DNM3: variants seen among roughly 807,000 people sequenced by gnomAD.
DNM3 encodes the protein dynamin 3.
DNM3 carries 47 observed loss-of-function variants against 101.6 expected under a neutral mutation model. The observed-to-expected ratio is 0.46, with a 90% CI of 0.37 to 0.59. The LOEUF is 0.59. Among genes scored for constraint, DNM3 ranks in the 20% least tolerant of loss-of-function variants. The probability of loss-of-function intolerance (pLI) is 0.00; values close to 1 mark genes in which losing one functional copy is unlikely to be tolerated. For synonymous variants in DNM3, 385 were observed against 387.9 expected (o/e 0.99, Z 0.09); for missense variants, 849 against 1,085.7 (o/e 0.78, Z 3.06).
chr1:172,244,418 A>G (rs2061868945), intron 14 of DNM3, among the ~76,000 whole-genome samples: 1 of 152,052 alleles, frequency 6.6e-6, no homozygotes, highest in African/African-American at 2.4e-5. Context: ...TGAACAGGCA[A>G]CCTACAAAAT....
chr1:172,257,796 T>C (rs988600366), intron 15 of DNM3, among the ~76,000 whole-genome samples: 1 of 151,820 alleles, frequency 6.6e-6, no homozygotes, highest in Non-Finnish European at 1.5e-5. Context: ...GTATTGAACA[T>C]TAGAATTTAT....
rs2901611 is a variant in DNM3 at position 172,219,667 on chromosome 1, G to A, written c.1660-33906G>A. 2.4e-3 allele frequency among the ~76,000 whole-genome samples: 363 copies of A among 152,230 alleles called. 10 individuals carry two copies. The South Asian group carries it at 0.05, about 21-fold the overall frequency. Reference sequence around the variant, plus strand: ...ACGCAAAAGACTCAATCTGAGAGGCGTCAGAGGGAGACAGACACAAGGTGA... The same window carrying A: ...ACGCAAAAGACTCAATCTGAGAGGCATCAGAGGGAGACAGACACAAGGTGA... On this transcript the variant is annotated intron_variant, in intron 14 of 20. Coordinates refer to ENST00000627582, the MANE Select transcript of DNM3 (RefSeq NM_015569.5).
At position 171,966,088 on chromosome 1, in the gene DNM3, C is replaced by G. The variant is rs78346539; in HGVS notation, c.236-21568C>G. Among the ~76,000 whole-genome samples the G allele has an allele frequency of 8.8e-3, 1,346 of 152,310 alleles. 15 individuals carry two copies. Among genetic ancestry groups the G allele is most frequent in the East Asian group, 0.025 (129 of 5,180 alleles). On this transcript the variant is annotated intron_variant, in intron 2 of 20. Coordinates refer to ENST00000627582, the MANE Select transcript of DNM3 (RefSeq NM_015569.5). ...TCTTATGTTGCATTCACCACTTGGT[C>G]CATAGAGATACTCCCTGTTGAAGTC...
Position 172,253,601 on chromosome 1 carries a change from T to C in DNM3, c.1688T>C (p.Leu563Ser). The change falls in exon 15 of 21, where the codon TTG becomes TCG. Residue 563 changes from leucine to serine, a missense_variant. By Grantham distance (145) the Leu-to-Ser change is moderately radical (BLOSUM62 -2). Transcript: ENST00000627582. ...AAAGAAAAGAAGTACATGCTTCCCT[T>C]GGACAACCTGAAAGTTCGGGATGTG... ...EEKEKKYMLPLDNLKVRDVEK... is the reference protein window; with the variant it reads ...EEKEKKYMLPSDNLKVRDVEK... 1 of 1,584,996 alleles carries C rather than the reference T, an allele frequency of 6.3e-7. No individual in the cohort carries two copies. Among genetic ancestry groups the C allele is most frequent in the Non-Finnish European group, 8.6e-7 (1 of 1,164,432 alleles).
chr1:172,349,181 G>A (rs116143615), intron 17 of DNM3, among the ~76,000 whole-genome samples: 1,864 of 152,186 alleles, frequency 0.012, 47 homozygotes, highest in African/African-American at 0.043. Flanking sequence ...CATTTAAAGT[G>A]CTATATACTG....
intron 13 of DNM3, among the ~76,000 whole-genome samples, chr1:172,120,798 T>C (rs555694775): frequency 1.3e-5 from 2 of 152,344 alleles, no homozygotes; most frequent in Admixed American, 6.5e-5. Context: ...AGACTTTGTT[T>C]AGTGCCTATT....
chr1:172,069,930 C>A (rs1019711772), intron 11 of DNM3, among the ~76,000 whole-genome samples: 3 of 152,030 alleles, frequency 2.0e-5, no homozygotes, highest in Admixed American at 6.6e-5. Flanking sequence ...GAGGAAAAAA[C>A]CACAGGGAGA....
intron 15 of DNM3, among the ~76,000 whole-genome samples, chr1:172,306,536 G>T (rs1243674563): frequency 6.6e-6 from 1 of 152,092 alleles, no homozygotes; most frequent in African/African-American, 2.4e-5. Flanking sequence ...CCACTTTAAA[G>T]TTCATATGGA....
chr1:171,883,415 CCT>C (rs35522174), intron 1 of DNM3, among the ~76,000 whole-genome samples: 1,960 of 48,152 alleles, frequency 0.041, 70 homozygotes, highest in African/African-American at 0.09. Context: ...ACACACACAC[CCT>C]GTCAGAATGA....
chr1:172,148,494 A>G (rs947155956), intron 14 of DNM3, among the ~76,000 whole-genome samples: 1 of 152,174 alleles, frequency 6.6e-6, no homozygotes, highest in African/African-American at 2.4e-5. Context: ...GTCTGCAGCT[A>G]CGCACCAGAT....
At chr1:171,875,674 A>T (rs1199541565) in intron 1 of DNM3, among the ~76,000 whole-genome samples, 1 of 152,180 alleles carries the variant, frequency 6.6e-6, no homozygotes, top group African/African-American at 2.4e-5. Flanking sequence ...TCATCTGCGA[A>T]ATTATAAAAA....
chr1:172,252,226 G>T (rs1268511186), intron 14 of DNM3, among the ~76,000 whole-genome samples: 1 of 152,044 alleles, frequency 6.6e-6, no homozygotes, highest in Non-Finnish European at 1.5e-5. Context: ...CTGTTCACAC[G>T]TGACTTTATT....
intron 2 of DNM3, among the ~76,000 whole-genome samples, chr1:171,949,484 A>G (rs1198657650): frequency 6.6e-6 from 1 of 152,202 alleles, no homozygotes; most frequent in East Asian, 1.9e-4. Context: ...ATCATTGCTT[A>G]CTGTAGCCTG....
chr1:172,346,603 C>T (rs184206401), intron 17 of DNM3, among the ~76,000 whole-genome samples: 11 of 152,190 alleles, frequency 7.2e-5, no homozygotes, highest in African/African-American at 2.4e-4. Flanking sequence ...AGACAGACTT[C>T]TGTTTTAAAC....
chr1:171,847,045 T>C (rs2032219572), intron 1 of DNM3, among the ~76,000 whole-genome samples: 1 of 152,186 alleles, frequency 6.6e-6, no homozygotes, highest in Non-Finnish European at 1.5e-5. Flanking sequence ...CTCCTGGAAC[T>C]CTTGAGAAAT....
intron 14 of DNM3, among the ~76,000 whole-genome samples, chr1:172,226,886 T>C (rs563557873): frequency 2.5e-4 from 38 of 152,180 alleles, no homozygotes; most frequent in African/African-American, 6.3e-4. Flanking sequence ...TAAAGACACA[T>C]TTTGTTTCAT....
rs140234230 is a variant in DNM3, at chr1:171,935,004, C to T, written c.235+13183C>T. On this transcript the variant is annotated intron_variant, in intron 2 of 20. Transcript: ENST00000627582. Reference sequence around the variant, plus strand: ...GAGACTTAAGCAATTTATCCAAAGCCGCACTGTTGGTAGGAGTGGGGAATT... The same window carrying T: ...GAGACTTAAGCAATTTATCCAAAGCTGCACTGTTGGTAGGAGTGGGGAATT... Among the ~76,000 whole-genome samples the T allele has an allele frequency of 3.2e-3, 480 of 152,134 alleles. 4 individuals carry two copies. Among genetic ancestry groups the T allele is most frequent in the African/African-American group, 0.01 (430 of 41,488 alleles).
At chr1:172,066,679 A>G (rs2051695582) in intron 10 of DNM3, among the ~76,000 whole-genome samples, 1 of 152,228 alleles carries the variant, frequency 6.6e-6, no homozygotes, top group South Asian at 2.1e-4. Flanking sequence ...GCATAACCAC[A>G]TTATATATTT....
intron 16 of DNM3, among the ~76,000 whole-genome samples, chr1:172,314,117 A>T (rs916623633): frequency 6.6e-5 from 10 of 152,204 alleles, no homozygotes; most frequent in African/African-American, 2.4e-4. Flanking sequence ...ACATATACCC[A>T]AAGGATTATA....
Sources: gnomAD v4.1 joint callset for allele counts (sites outside exome capture counted in the v4.1 genomes callset) on GRCh38, gnomAD v4.1.1 for gene constraint, MANE v1.5 for transcripts, NCBI Gene and HGNC (gene_info 2026-07-23, HGNC 2026-07-21) for gene names.